The following SVEP1 variants were observed in gnomAD, a reference collection of about 807,000 sequenced individuals.
The protein encoded by SVEP1 is sushi, von Willebrand factor type A, EGF and pentraxin domain-containing protein 1.
SVEP1 carries 164 observed loss-of-function variants against 367.3 expected under a neutral mutation model. The observed-to-expected ratio is 0.45, with a 90% CI of 0.39 to 0.51. The LOEUF (loss-of-function observed/expected upper bound fraction) is 0.51. SVEP1 is among the 20% of genes least tolerant of loss of function. SVEP1 has a pLI of 0.00. For missense variants in SVEP1, 4,117 were observed against 4,425.3 expected, an observed-to-expected ratio of 0.93 and a Z score of 1.98; for synonymous variants, 1,666 against 1,611.6, an observed-to-expected ratio of 1.03 and a Z score of -0.81.
chr9:110,519,886 A>T (rs1332940174), intron 3 of SVEP1, among the ~76,000 whole-genome samples: 1 of 152,150 alleles, frequency 6.6e-6, no homozygotes, highest in Non-Finnish European at 1.5e-5. Flanking sequence ...CTTTCACTAT[A>T]ATATACAGAA....
chr9:110,392,634 T>TATA (rs1279301001), intron 40 of SVEP1, among the ~76,000 whole-genome samples: 1 of 152,214 alleles, frequency 6.6e-6, no homozygotes, highest in Non-Finnish European at 1.5e-5. Flanking sequence ...ACTGTTTGGT[T>TATA]ATCTAGTCAA....
At chr9:110,423,150 AAAAAT>A (rs1176606683) in intron 36 of SVEP1, among the ~76,000 whole-genome samples, 1 of 137,500 alleles carries the variant, frequency 7.3e-6, no homozygotes, top group African/African-American at 2.8e-5. Context: ...AAAAAAATAA[AAAAAT>A]AAAAAAATAA....
At chr9:110,449,324 G>T (rs1039539882) in intron 24 of SVEP1, among the ~76,000 whole-genome samples, 1 of 151,782 alleles carries the variant, frequency 6.6e-6, no homozygotes, top group Non-Finnish European at 1.5e-5. Context: ...GATTTCTTTT[G>T]AACCAAAGGT....
chr9:110,569,335 A>C (rs977564741), intron 1 of SVEP1, among the ~76,000 whole-genome samples: 10 of 151,968 alleles, frequency 6.6e-5, no homozygotes, highest in African/African-American at 2.4e-4. Flanking sequence ...GCATGCCTGT[A>C]ATCCCAGCTA....
At chr9:110,498,008 AAAC>A (rs1268216341) in intron 7 of SVEP1, among the ~76,000 whole-genome samples, 1 of 152,202 alleles carries the variant, frequency 6.6e-6, no homozygotes, top group Admixed American at 6.5e-5. Context: ...ATTCATGCTT[AAAC>A]AATAGCTTGA....
intron 3 of SVEP1, among the ~76,000 whole-genome samples, chr9:110,520,221 G>C (rs1465159756): frequency 6.6e-6 from 1 of 152,008 alleles, no homozygotes; most frequent in East Asian, 1.9e-4. Context: ...CTATTTAAAG[G>C]CATTGCACAA....
chr9:110,560,170 T>C (rs576884479), intron 1 of SVEP1, among the ~76,000 whole-genome samples: 2 of 152,342 alleles, frequency 1.3e-5, no homozygotes, highest in South Asian at 4.1e-4. Flanking sequence ...ATATTTAACA[T>C]ACTGTTACAA....
chr9:110,374,160 T>C (rs1331355017), intron 46 of SVEP1, among the ~76,000 whole-genome samples: 2 of 152,180 alleles, frequency 1.3e-5, no homozygotes, highest in African/African-American at 4.8e-5. Context: ...TCCCACCCTC[T>C]ACCCTCAAGT....
At chr9:110,375,490 A>AAAAAAAAGG in intron 45 of SVEP1, 27 bp from the exon 46 acceptor site, 1 of 1,338,838 alleles carries the variant, frequency 7.5e-7, no homozygotes, top group Non-Finnish European at 1.0e-6. Context: ...AAAAAAAAAA[A>AAAAAAAAGG]GGAGGCAGGG....
intron 1 of SVEP1, among the ~76,000 whole-genome samples, chr9:110,565,165 G>A (rs753238859): frequency 6.6e-5 from 10 of 152,156 alleles, no homozygotes; most frequent in Non-Finnish European, 1.2e-4. Flanking sequence ...TTTGTGAAAT[G>A]GGCAGTGTAT....
chr9:110,426,559 T>C (rs7029817), intron 36 of SVEP1, among the ~76,000 whole-genome samples: 23,335 of 152,208 alleles, frequency 0.15, 2,114 homozygotes, highest in Admixed American at 0.2. Context: ...ACTTTTCTGC[T>C]GTGTCAGCTT....
intron 46 of SVEP1, among the ~76,000 whole-genome samples, chr9:110,372,603 A>G (rs1417939122): frequency 6.6e-6 from 1 of 152,258 alleles, no homozygotes; most frequent in Admixed American, 6.5e-5. Flanking sequence ...GGAATGTTAG[A>G]AAGTAGATTA....
intron 18 of SVEP1, 24 bp downstream of exon 18, chr9:110,465,841 A>T: frequency 6.2e-7 from 1 of 1,605,208 alleles, no homozygotes; most frequent in Non-Finnish European, 8.5e-7. Flanking sequence ...TTAAAGAAAT[A>T]TCAATGTCTA....
chr9:110,436,379 C>T lies in SVEP1; in HGVS notation c.4764+1G>A, dbSNP rs1248764613. On this transcript the variant is annotated splice_donor_variant, in intron 28 of 47. Coordinates refer to ENST00000374469, the MANE Select transcript of SVEP1 (RefSeq NM_153366.4). LOFTEE classifies it high-confidence loss of function. ...TGTCATACACTGAAAATGGAATTGACCTGCTGTGGAGACAGGACATAGTCC... is the reference window on the plus strand; with the variant it reads ...TGTCATACACTGAAAATGGAATTGATCTGCTGTGGAGACAGGACATAGTCC... 1 of 1,613,722 alleles carries T rather than the reference C, an allele frequency of 6.2e-7. No individual in the cohort carries two copies. The highest frequency in any genetic ancestry group is 1.3e-5 in the African/African-American group (1 of 74,884).
At chr9:110,578,071 C>T (rs7027133) in intron 1 of SVEP1, among the ~76,000 whole-genome samples, 1 of 152,070 alleles carries the variant, frequency 6.6e-6, no homozygotes, top group Admixed American at 6.5e-5. Context: ...ATGTTCATAA[C>T]CTTTAGTTCA....
rs752513631 is a variant in SVEP1 at position 110,407,352 on chromosome 9, C to CAA, written c.8247_8248insTT (p.Ala2750LeufsTer6). On this transcript the variant is annotated frameshift_variant, in exon 38 of 48. Transcript: ENST00000374469. LOFTEE classifies it high-confidence loss of function. Reference sequence around the variant, plus strand: ...AGACAAAGCCTTAAGTCAGAGCCTGCTAGAATGTGTCCAGGTTTACAGCTA... The same window carrying CAA: ...AGACAAAGCCTTAAGTCAGAGCCTGCAATAGAATGTGTCCAGGTTTACAGCTA... The CAA allele has an allele frequency of 1.7e-5, 28 of 1,613,950 alleles. No homozygotes were observed. The African/African-American group carries it at 3.7e-4, about 22-fold the overall frequency.
In SVEP1 at chr9:110,443,603, A is replaced by G. The variant is rs1340628649; in HGVS notation, c.4581T>C (p.Tyr1527=). ...CACCGTCAGATAATTTCCCATCGAT[A>G]TAGACTTTCCAGATGCCATTGGCAC... ...WTSANGIWKV[Y]IDGKLSDGGA... is the part of the protein sequence containing the mutation. The change falls in exon 27 of 48, where the codon TAT becomes TAC. Residue 1527 remains tyrosine, a synonymous_variant. Coordinates refer to ENST00000374469, the MANE Select transcript of SVEP1 (RefSeq NM_153366.4). The G allele has an allele frequency of 7.4e-6, 12 of 1,613,200 alleles. No homozygotes were observed. The highest frequency in any genetic ancestry group is 9.3e-6 in the Non-Finnish European group (11 of 1,179,656).
At chr9:110,545,719 C>G (rs1282520332) in intron 3 of SVEP1, among the ~76,000 whole-genome samples, 1 of 152,128 alleles carries the variant, frequency 6.6e-6, no homozygotes, top group Admixed American at 6.6e-5. Context: ...TCTTTCTCCT[C>G]CCAGTTCTGA....
At chr9:110,482,554 T>C in intron 10 of SVEP1, 62 bp from the exon 11 acceptor site, 1 of 1,533,074 alleles carries the variant, frequency 6.5e-7, no homozygotes, top group Non-Finnish European at 8.8e-7. Flanking sequence ...TTTGAAACAG[T>C]CTTACTCTGT....
Sources: allele counts gnomAD v4.1 joint callset (sites outside exome capture counted in the v4.1 genomes callset), GRCh38; gene constraint gnomAD v4.1.1; transcripts MANE v1.5; gene names NCBI Gene and HGNC (gene_info 2026-07-23, HGNC 2026-07-21).